TAOK3: variants seen among roughly 807,000 people sequenced by gnomAD.
TAOK3 encodes the protein serine/threonine-protein kinase TAO3.
In TAOK3, 40 loss-of-function variants were observed where a neutral mutation model predicts 120.4. The ratio of observed to expected loss-of-function variants is 0.33; its 90% CI spans 0.26 to 0.43. The LOEUF (loss-of-function observed/expected upper bound fraction) is 0.43, where lower values mean the gene tolerates loss of function less well. TAOK3 is among the 20% of genes least tolerant of loss of function. The pLI is 1.00. For synonymous variants in TAOK3, 355 were observed against 387.5 expected (o/e 0.92, Z 0.99); for missense variants, 821 against 1,112.1 (o/e 0.74, Z 3.72).
At chr12:118,303,341 A>T (rs1037709803) in intron 1 of TAOK3, among the ~76,000 whole-genome samples, 1 of 152,118 alleles carries the variant, frequency 6.6e-6, no homozygotes, top group Admixed American at 6.6e-5. Flanking sequence ...TGTAAACTCT[A>T]TGAGGACAGG....
intron 1 of TAOK3, among the ~76,000 whole-genome samples, chr12:118,370,902 C>T (rs368686885): frequency 1.3e-5 from 2 of 152,152 alleles, no homozygotes; most frequent in African/African-American, 2.4e-5. Context: ...CTTAGCTTGT[C>T]CTGGAATTAC....
intron 11 of TAOK3, among the ~76,000 whole-genome samples, chr12:118,206,978 TG>T (rs1050986005): frequency 6.6e-6 from 1 of 152,072 alleles, no homozygotes; most frequent in Non-Finnish European, 1.5e-5. Context: ...ACAATTTTAT[TG>T]TTCTCAAAAA....
At chr12:118,323,686 G>C (rs1248342643) in intron 1 of TAOK3, among the ~76,000 whole-genome samples, 1 of 152,102 alleles carries the variant, frequency 6.6e-6, no homozygotes, top group Non-Finnish European at 1.5e-5. Context: ...AATATATTAA[G>C]TGGAAAAAGC....
chr12:118,227,847 C>T (rs997906715), intron 9 of TAOK3, among the ~76,000 whole-genome samples: 13 of 152,174 alleles, frequency 8.5e-5, no homozygotes, highest in Admixed American at 5.2e-4. Context: ...CTAAAACTTA[C>T]TCCATACTGC....
intron 1 of TAOK3, among the ~76,000 whole-genome samples, chr12:118,366,223 C>G (rs2045737603): frequency 6.6e-6 from 1 of 152,046 alleles, no homozygotes; most frequent in South Asian, 2.1e-4. Context: ...AAGATGGCAC[C>G]ACTGCACTCC....
chr12:118,315,950 A>G (rs535421894), intron 1 of TAOK3, among the ~76,000 whole-genome samples: 28 of 152,306 alleles, frequency 1.8e-4, no homozygotes, highest in African/African-American at 6.5e-4. Context: ...AATGGTATGG[A>G]CTCAAGACAG....
intron 1 of TAOK3, among the ~76,000 whole-genome samples, chr12:118,335,292 G>T (rs1459947883): frequency 6.6e-6 from 1 of 152,104 alleles, no homozygotes; most frequent in African/African-American, 2.4e-5. Context: ...AAGTGAGACA[G>T]GAGGTAATAC....
At position 118,217,816 on chromosome 12, in the gene TAOK3, CATATATATATATATATATATATATAT is replaced by C. The variant is rs57197721; in HGVS notation, c.644-3732_644-3707del. ...GTATGTATGTGTGTGTGTGTGTATA[CATATATATATATATATATATATATAT>C]ATATATATATATATATATACACTTT... On this transcript the variant is annotated intron_variant, in intron 9 of 20. Transcript: ENST00000392533. Among the ~76,000 whole-genome samples, 34 of 45,990 alleles carry C rather than the reference CATATATATATATATATATATATATAT, an allele frequency of 7.4e-4. 1 individual carries two copies. The East Asian group carries it at 9.0e-3, about 12-fold the overall frequency. 30.2% of individuals were successfully genotyped at this position (45,990 alleles called of 152,430 possible). A position where few individuals can be genotyped will look rare whatever the true frequency, so the allele number is the denominator to read the frequency against.
intron 9 of TAOK3, among the ~76,000 whole-genome samples, chr12:118,233,418 AAAAT>A (rs200477925): frequency 0.11 from 16,894 of 151,440 alleles, 1,279 homozygotes; most frequent in South Asian, 0.18. Flanking sequence ...TTAAAAAATT[AAAAT>A]AAATAAATAA....
Position 118,352,052 on chromosome 12 carries a change from T to G in TAOK3, c.-194+20596A>C, listed in dbSNP as rs1387309866. Among the ~76,000 whole-genome samples the G allele has an allele frequency of 2.6e-5, 4 of 151,566 alleles. No homozygotes were observed. In the East Asian group the frequency reaches 7.9e-4, roughly 30 times the overall value. Reference sequence around the variant, plus strand: ...CCGCGCCTGGCTAATTTTTTTATTTTTAGTAGAGATGGGGTTTCACCGTGT... The same window carrying G: ...CCGCGCCTGGCTAATTTTTTTATTTGTAGTAGAGATGGGGTTTCACCGTGT... On this transcript the variant is annotated intron_variant, in intron 1 of 20. Transcript: ENST00000392533.
intron 1 of TAOK3, among the ~76,000 whole-genome samples, chr12:118,357,348 G>A (rs1165812280): frequency 6.6e-6 from 1 of 152,110 alleles, no homozygotes; most frequent in African/African-American, 2.4e-5. Flanking sequence ...ATTTTTAACT[G>A]GAAAACAAAG....
chr12:118,286,559 A>T lies in TAOK3; in HGVS notation c.-193-19800T>A, dbSNP rs558317255. Among the ~76,000 whole-genome samples the T allele has an allele frequency of 3.9e-3, 586 of 152,060 alleles. 9 individuals are homozygous for T. Among genetic ancestry groups the T allele is most frequent in the Middle Eastern group, 0.01 (3 of 294 alleles). ...ACTCCTGCAAGAATGGCCATAATAA[A>T]AAAAAAAAAACAGATGTTAGCATGG... On this transcript the variant is annotated intron_variant, in intron 1 of 20. Transcript: ENST00000392533.
At chr12:118,321,833 G>T (rs998025520) in intron 1 of TAOK3, among the ~76,000 whole-genome samples, 1 of 149,014 alleles carries the variant, frequency 6.7e-6, no homozygotes, top group Non-Finnish European at 1.5e-5. Context: ...ATTTTTGCAA[G>T]TTTTTTTTTT....
rs1472935009 is a variant in TAOK3 at position 118,371,672 on chromosome 12, G to C, written c.-194+976C>G. Among the ~76,000 whole-genome samples the C allele has an allele frequency of 6.6e-6, 1 of 152,000 alleles. No homozygotes were observed. Among genetic ancestry groups the C allele is most frequent in the Non-Finnish European group, 1.5e-5 (1 of 67,936 alleles). ...GCCGCGACTGCGACCCAGGCTCCCC[G>C]CCGCAGCCGTTCTTGGGGGGGCTCC... On this transcript the variant is annotated intron_variant, in intron 1 of 20. Transcript: ENST00000392533. The surrounding 1 kb of genome is among the most constrained non-coding windows in gnomAD (Gnocchi z 5.5).
At chr12:118,185,993 AC>A (rs1373508081) in intron 14 of TAOK3, among the ~76,000 whole-genome samples, 4 of 152,242 alleles carry the variant, frequency 2.6e-5, no homozygotes, top group African/African-American at 9.6e-5. Context: ...ACAGGATGAA[AC>A]AGTAGCATTT....
chr12:118,304,933 TC>T (rs746851540), intron 1 of TAOK3, among the ~76,000 whole-genome samples: 2 of 152,096 alleles, frequency 1.3e-5, no homozygotes, highest in African/African-American at 2.4e-5. Context: ...AAGAGTGTAG[TC>T]TTCAGCCTGC....
At chr12:118,333,834 T>TAAA (rs201739458) in intron 1 of TAOK3, among the ~76,000 whole-genome samples, 3 of 135,478 alleles carry the variant, frequency 2.2e-5, no homozygotes, top group South Asian at 2.3e-4. Context: ...GGGTATTTTA[T>TAAA]AAAAAAAAAA....
intron 1 of TAOK3, among the ~76,000 whole-genome samples, chr12:118,296,606 C>G (rs765691549): frequency 1.3e-5 from 2 of 152,138 alleles, no homozygotes; most frequent in Non-Finnish European, 2.9e-5. Flanking sequence ...AACCTCTGTA[C>G]CTCATTTTAT....
chr12:118,214,240 C>A, intron 9 of TAOK3, 130 bp from the exon 10 acceptor site: 1 of 678,654 alleles, frequency 1.5e-6, no homozygotes. Context: ...ACATAATCCA[C>A]TTATTTTAAT....
Sources: gnomAD v4.1 joint callset for allele counts (sites outside exome capture counted in the v4.1 genomes callset) on GRCh38, gnomAD v4.1.1 for gene constraint, Gnocchi (gnomAD v3.1) non-coding constraint, MANE v1.5 for transcripts, NCBI Gene and HGNC (gene_info 2026-07-23, HGNC 2026-07-21) for gene names.